Variants in AVEN observed in about 807,000 individuals in gnomAD.
The protein encoded by AVEN is cell death regulator Aven.
AVEN carries 41 observed loss-of-function variants against 38.1 expected under a neutral mutation model. The observed-to-expected ratio is 1.08, with a 90% CI of 0.84 to 1.40. The LOEUF is 1.40. AVEN is among the 40% of genes most tolerant of loss of function. The probability of loss-of-function intolerance (pLI) is 0.00; values close to 1 mark genes in which losing one functional copy is unlikely to be tolerated. For missense variants in AVEN, 605 were observed against 438.8 expected, an observed-to-expected ratio of 1.38 and a Z score of -3.38; for synonymous variants, 206 against 171.8, an observed-to-expected ratio of 1.20 and a Z score of -1.56.
chr15:33,908,075 A>T lies in AVEN; in HGVS notation c.446-32080T>A, dbSNP rs546400745. ...TTGTATATTTTACAAATCACTTATT[A>T]AAAAATTTGTATTGTGATAAGATAT... On this transcript the variant is annotated intron_variant, in intron 2 of 5. Transcript: ENST00000306730. Among the ~76,000 whole-genome samples, 224 of 152,358 alleles carry T rather than the reference A, an allele frequency of 1.5e-3. 1 individual carries two copies. The highest frequency in any genetic ancestry group is 5.1e-3 in the African/African-American group (213 of 41,580).
chr15:34,074,441 C>G (rs1900693943), exon 1 of AVEN, among the ~76,000 whole-genome samples: 1 of 152,218 alleles, frequency 6.6e-6, no homozygotes, highest in South Asian at 2.1e-4. Flanking sequence ...TTTACCATTT[C>G]ATAGTTCTGG....
intron 4 of AVEN, chr15:34,064,726 T>C (rs1900466461): frequency 9.6e-6 from 2 of 208,298 alleles, no homozygotes; most frequent in South Asian, 2.2e-4. Flanking sequence ...TATGTGTCTA[T>C]GAAGCTGTCT....
upstream of AVEN, among the ~76,000 whole-genome samples, chr15:34,040,109 T>G (rs1899403601): frequency 6.6e-6 from 1 of 152,204 alleles, no homozygotes; most frequent in Admixed American, 6.5e-5. Flanking sequence ...TACTTTTCAT[T>G]GCTTCTAATT....
chr15:33,919,415 T>C (rs534982520), intron 2 of AVEN, among the ~76,000 whole-genome samples: 1 of 152,286 alleles, frequency 6.6e-6, no homozygotes, highest in East Asian at 1.9e-4. Flanking sequence ...CAAACAGCAG[T>C]CATGCAACTT....
chr15:33,983,128 C>CTGTGTGTGTGTGTGTG (rs373285133), intron 2 of AVEN, among the ~76,000 whole-genome samples: 3 of 135,266 alleles, frequency 2.2e-5, no homozygotes, highest in African/African-American at 8.2e-5. Flanking sequence ...TGTCCATACT[C>CTGTGTGTGTGTGTGTG]TGTGTGTGTG....
At chr15:33,898,193 C>A (rs1245817120) in intron 2 of AVEN, among the ~76,000 whole-genome samples, 4 of 151,992 alleles carry the variant, frequency 2.6e-5, no homozygotes, top group African/African-American at 4.8e-5. Flanking sequence ...CGTCTCAAAA[C>A]AAAACAAAAC....
intron 2 of AVEN, among the ~76,000 whole-genome samples, chr15:33,910,155 C>G (rs937273372): frequency 6.7e-6 from 1 of 149,640 alleles, no homozygotes; most frequent in Non-Finnish European, 1.5e-5. Context: ...AAAAAAATTG[C>G]TTAGTAAGCA....
the AVEN span, chr15:33,852,971 A>C: frequency 4.5e-6 from 6 of 1,327,006 alleles, no homozygotes; most frequent in African/African-American, 1.5e-5. Context: ...CAGGCACTCA[A>C]ACTGAAACGT....
chr15:33,944,827 C>A (rs1287423556), intron 2 of AVEN, among the ~76,000 whole-genome samples: 1 of 151,172 alleles, frequency 6.6e-6, no homozygotes, highest in Non-Finnish European at 1.5e-5. Context: ...AAAAACCCAC[C>A]AAAAGTTCTT....
chr15:33,864,108 G>C (rs200357997), downstream of AVEN: 1 of 1,560,884 alleles, frequency 6.4e-7, no homozygotes, highest in Admixed American at 1.7e-5. Context: ...CTTGACCAGA[G>C]TATCTAATAC....
At chr15:34,020,222 A>G (rs556733519) in intron 1 of AVEN, among the ~76,000 whole-genome samples, 4 of 152,200 alleles carry the variant, frequency 2.6e-5, no homozygotes, top group Non-Finnish European at 4.4e-5. Flanking sequence ...GAGGCAGGAG[A>G]ATGGCGTGAA....
chr15:33,868,621 T>G (rs1375862510), intron 4 of AVEN, among the ~76,000 whole-genome samples: 1 of 148,020 alleles, frequency 6.8e-6, no homozygotes, highest in African/African-American at 2.5e-5. Flanking sequence ...TTAAGTGCAC[T>G]AATATAAAGG....
At chr15:33,961,613 A>G (rs188656905) in intron 2 of AVEN, among the ~76,000 whole-genome samples, 29 of 151,640 alleles carry the variant, frequency 1.9e-4, no homozygotes, top group South Asian at 4.2e-4. Context: ...GGAGATCGAG[A>G]CCATTCTGGC....
chr15:33,854,247 G>A, downstream of AVEN: 2 of 659,008 alleles, frequency 3.0e-6, no homozygotes, highest in Non-Finnish European at 5.3e-6. Flanking sequence ...CTTGTCTCAT[G>A]GGGAGCACAT....
chr15:33,960,314 G>T (rs1895113730), intron 2 of AVEN, among the ~76,000 whole-genome samples: 1 of 152,062 alleles, frequency 6.6e-6, no homozygotes. Context: ...AGCTTATAAT[G>T]GAACTGCTGA....
At chr15:33,998,516 G>A (rs1369014318) in intron 2 of AVEN, among the ~76,000 whole-genome samples, 1 of 152,030 alleles carries the variant, frequency 6.6e-6, no homozygotes, top group Admixed American at 6.6e-5. Context: ...TCTCCCACCA[G>A]CCCATTATTC....
intron 1 of AVEN, among the ~76,000 whole-genome samples, chr15:34,037,228 G>C (rs928625700): frequency 8.6e-5 from 13 of 152,036 alleles, no homozygotes. Flanking sequence ...GTAAAGTCCT[G>C]TGCGCCAGAC....
chr15:33,952,019 T>C (rs8028253), intron 2 of AVEN, among the ~76,000 whole-genome samples: 38,514 of 151,980 alleles, frequency 0.25, 6,523 homozygotes, highest in African/African-American at 0.48. Context: ...GCTCTAGAGC[T>C]CAAAAATCCA....
chr15:34,010,427 C>G (rs909967165), intron 1 of AVEN, among the ~76,000 whole-genome samples: 5 of 152,116 alleles, frequency 3.3e-5, no homozygotes, highest in African/African-American at 1.2e-4. Flanking sequence ...GTTATTAATA[C>G]TAATAACATA....
Sources: gnomAD v4.1 joint callset for allele counts (sites outside exome capture counted in the v4.1 genomes callset) on GRCh38, gnomAD v4.1.1 for gene constraint, MANE v1.5 for transcripts, NCBI Gene and HGNC (gene_info 2026-07-23, HGNC 2026-07-21) for gene names.